The following CPQ variants were observed in gnomAD, a reference collection of about 807,000 sequenced individuals.
CPQ encodes the protein Ser-Met dipeptidase.
CPQ carries 37 observed loss-of-function variants against 45.7 expected under a neutral mutation model. The ratio of observed to expected loss-of-function variants is 0.81; its 90% CI spans 0.62 to 1.07. The LOEUF is 1.07. Ranked by LOEUF, CPQ falls within the 50% of genes least tolerant of loss-of-function variation. CPQ has a pLI of 0.00. For synonymous variants in CPQ, 186 were observed against 205.8 expected (o/e 0.90, Z 0.82); for missense variants, 537 against 572.9 (o/e 0.94, Z 0.64).
intron 1 of CPQ, among the ~76,000 whole-genome samples, chr8:96,737,504 C>T (rs1333256583): frequency 6.6e-6 from 1 of 151,802 alleles, no homozygotes; most frequent in African/African-American, 2.4e-5. Flanking sequence ...AGGAAGCATC[C>T]AGCTCGAGAA....
chr8:96,703,521 GA>G (rs1809496021), intron 1 of CPQ, among the ~76,000 whole-genome samples: 1 of 152,066 alleles, frequency 6.6e-6, no homozygotes, highest in African/African-American at 2.4e-5. Context: ...AATGGACCTG[GA>G]ACTAATGTGT....
intron 2 of CPQ, among the ~76,000 whole-genome samples, chr8:96,833,024 T>C (rs1811480283): frequency 6.6e-6 from 1 of 151,998 alleles, no homozygotes; most frequent in African/African-American, 2.4e-5. Context: ...TGTGAGAGTG[T>C]AAGGGGGTTG....
intron 1 of CPQ, among the ~76,000 whole-genome samples, chr8:96,724,238 C>G (rs556383434): frequency 6.6e-6 from 1 of 152,056 alleles, no homozygotes; most frequent in South Asian, 2.1e-4. Context: ...CAGTATTATA[C>G]TGCTCAGAAT....
At chr8:97,022,244 C>A (rs1412286284) in intron 5 of CPQ, among the ~76,000 whole-genome samples, 1 of 152,060 alleles carries the variant, frequency 6.6e-6, no homozygotes, top group Admixed American at 6.6e-5. Context: ...CAAGATGGAT[C>A]AAGGATTTAA....
chr8:96,856,570 T>G (rs1811854170), intron 3 of CPQ, among the ~76,000 whole-genome samples: 1 of 152,170 alleles, frequency 6.6e-6, no homozygotes, highest in Non-Finnish European at 1.5e-5. Flanking sequence ...AGCCTCAGTA[T>G]CCAGAAGAGC....
chr8:96,945,096 G>A (rs1456615215), intron 4 of CPQ, among the ~76,000 whole-genome samples: 1 of 152,062 alleles, frequency 6.6e-6, no homozygotes, highest in Non-Finnish European at 1.5e-5. Flanking sequence ...CAGCCCCCTA[G>A]GAAGAAAAGA....
chr8:96,856,004 A>G (rs1811844303), intron 3 of CPQ, among the ~76,000 whole-genome samples: 1 of 152,222 alleles, frequency 6.6e-6, no homozygotes. Flanking sequence ...GGACTGAAAG[A>G]AAGCCAGTGT....
chr8:96,730,892 TGCATTTTTTTTTAAAAAG>T (rs1809905216), intron 1 of CPQ, among the ~76,000 whole-genome samples: 1 of 116,638 alleles, frequency 8.6e-6, no homozygotes, highest in African/African-American at 2.8e-5. Flanking sequence ...TATATATATA[TGCATTTTTTTTTAAAAAG>T]ATACATTTAA....
chr8:96,736,897 T>G (rs970599503), intron 1 of CPQ, among the ~76,000 whole-genome samples: 3 of 152,202 alleles, frequency 2.0e-5, no homozygotes, highest in African/African-American at 7.2e-5. Context: ...CTATTTCACC[T>G]AAGGAATTTA....
chr8:97,091,439 TG>T (rs1422142584), intron 7 of CPQ, among the ~76,000 whole-genome samples: 1 of 152,176 alleles, frequency 6.6e-6, no homozygotes, highest in Non-Finnish European at 1.5e-5. Flanking sequence ...GGAGAACAGA[TG>T]GCATGGTTTC....
intron 1 of CPQ, among the ~76,000 whole-genome samples, chr8:96,757,452 G>A (rs1055225457): frequency 6.6e-6 from 1 of 150,780 alleles, no homozygotes. Context: ...AGCATTGACT[G>A]TTCCTAATAA....
intron 2 of CPQ, among the ~76,000 whole-genome samples, chr8:96,809,888 G>A (rs535983257): frequency 7.9e-5 from 12 of 152,108 alleles, no homozygotes; most frequent in Non-Finnish European, 1.6e-4. Context: ...TTTCAGCTTC[G>A]AGTAATGAAT....
At chr8:96,979,451 A>G (rs1236170532) in intron 5 of CPQ, among the ~76,000 whole-genome samples, 4 of 152,294 alleles carry the variant, frequency 2.6e-5, no homozygotes, top group Non-Finnish European at 4.4e-5. Context: ...CTACTTCTCT[A>G]TGTTAAATAT....
intron 4 of CPQ, among the ~76,000 whole-genome samples, chr8:96,918,588 G>A (rs1217127801): frequency 6.6e-6 from 1 of 152,084 alleles, no homozygotes; most frequent in Non-Finnish European, 1.5e-5. Flanking sequence ...GTGTATTTAT[G>A]CATAGCTAGG....
intron 4 of CPQ, among the ~76,000 whole-genome samples, chr8:96,910,129 A>C (rs140083949): frequency 3.1e-3 from 475 of 152,284 alleles, no homozygotes; most frequent in Non-Finnish European, 5.5e-3. Flanking sequence ...ATGAGAGGGA[A>C]CAAGTAAATC....
At chr8:96,952,518 G>A (rs189312717) in intron 4 of CPQ, among the ~76,000 whole-genome samples, 53 of 152,174 alleles carry the variant, frequency 3.5e-4, no homozygotes, top group Middle Eastern at 3.4e-3. Flanking sequence ...ACAAAAAAAT[G>A]TATAGGATAT....
intron 4 of CPQ, among the ~76,000 whole-genome samples, chr8:96,918,966 C>T (rs897030948): frequency 2.0e-5 from 3 of 152,058 alleles, no homozygotes; most frequent in African/African-American, 7.2e-5. Flanking sequence ...CTGCACCTTC[C>T]TAAGGTTCTT....
intron 2 of CPQ, among the ~76,000 whole-genome samples, chr8:96,808,683 GA>G (rs1340071843): frequency 6.6e-6 from 1 of 152,138 alleles, no homozygotes; most frequent in Non-Finnish European, 1.5e-5. Flanking sequence ...CGTAAGATGT[GA>G]AAAGGCAGGG....
chr8:96,735,136 T>C (rs926177928), intron 1 of CPQ, among the ~76,000 whole-genome samples: 1 of 152,222 alleles, frequency 6.6e-6, no homozygotes, highest in African/African-American at 2.4e-5. Context: ...AGGACACTTA[T>C]CACAATTTTA....
Sources: allele counts gnomAD v4.1 joint callset (sites outside exome capture counted in the v4.1 genomes callset), GRCh38; gene constraint gnomAD v4.1.1; transcripts MANE v1.5; gene names NCBI Gene and HGNC (gene_info 2026-07-23, HGNC 2026-07-21).